The following RUBCN variants were observed in gnomAD, a reference collection of about 807,000 sequenced individuals.
RUBCN encodes run domain Beclin-1-interacting and cysteine-rich domain-containing protein.
In RUBCN, 74 loss-of-function variants were observed where a neutral mutation model predicts 113.2. That is an observed-to-expected ratio of 0.65 (90% CI 0.54 to 0.79). The LOEUF (loss-of-function observed/expected upper bound fraction) is 0.79. Among genes scored for constraint, RUBCN ranks in the 30% least tolerant of loss-of-function variants. RUBCN has a pLI of 0.00. For synonymous variants in RUBCN, 480 were observed against 490.0 expected (o/e 0.98, Z 0.27); for missense variants, 1,109 against 1,251.7 (o/e 0.89, Z 1.72).
chr3:197,699,020 GA>G (rs1463896466), intron 7 of RUBCN, among the ~76,000 whole-genome samples: 2 of 151,966 alleles, frequency 1.3e-5, no homozygotes, highest in African/African-American at 4.8e-5. Context: ...ATTGTGTATA[GA>G]AAACACATCA....
Position 197,736,794 on chromosome 3 carries a change from C to T in RUBCN, c.-75G>A. ...TCGCCCTTCAGGGCTCCCGGGGCCC[C>T]CTGGGGCCGGAGGAGGCACCTGCGG... On this transcript the variant is annotated 5_prime_UTR_variant, in exon 1 of 20. Coordinates refer to ENST00000296343, the MANE Select transcript of RUBCN (RefSeq NM_014687.4). The T allele has an allele frequency of 6.7e-7, 1 of 1,484,902 alleles. No homozygotes were observed. Among genetic ancestry groups the T allele is most frequent in the East Asian group, 2.7e-5 (1 of 37,518 alleles). The allele number at this position is 1,484,902 out of a possible 1,614,324, so 92.0% of individuals were successfully genotyped here.
chr3:197,734,577 TA>T (rs1727908490), intron 1 of RUBCN, among the ~76,000 whole-genome samples: 2 of 152,288 alleles, frequency 1.3e-5, no homozygotes, highest in South Asian at 4.1e-4. Flanking sequence ...ACAATAGTTA[TA>T]GGGATTAAAG....
At chr3:197,684,282 T>C in intron 11 of RUBCN, 65 bp from the exon 12 acceptor site, 1 of 1,212,860 alleles carries the variant, frequency 8.2e-7, no homozygotes, top group African/African-American at 1.5e-5. Context: ...ACCTGGAATC[T>C]ATTACAAGGT....
In RUBCN at chr3:197,681,399, G is replaced by A. The variant is rs62283402; in HGVS notation, c.2192-32C>T. ...AAACCGGAAAGCCAGAAAGCCAGAT[G>A]TAACTTTCCCATCTACAAGCTGGGA... On this transcript the variant is annotated intron_variant, in intron 15 of 19. Coordinates refer to ENST00000296343, the MANE Select transcript of RUBCN (RefSeq NM_014687.4). The surrounding 1 kb of genome is among the most constrained non-coding windows in gnomAD (Gnocchi z 5.5). 10 of 1,540,490 alleles carry A rather than the reference G, an allele frequency of 6.5e-6. No individual in the cohort carries two copies. The highest frequency in any genetic ancestry group is 2.2e-5 in the East Asian group (1 of 44,504).
At chr3:197,741,496 C>T (rs2109022541), upstream of RUBCN, among the ~76,000 whole-genome samples, 1 of 152,306 alleles carries the variant, frequency 6.6e-6, no homozygotes, top group South Asian at 2.1e-4. Context: ...AGCAACATTT[C>T]CATCCCCTCT....
At chr3:197,709,886 A>G (rs780471414) in intron 2 of RUBCN, among the ~76,000 whole-genome samples, 182 of 152,132 alleles carry the variant, frequency 1.2e-3, no homozygotes, top group Non-Finnish European at 1.9e-3. Flanking sequence ...ACTGCAGAGT[A>G]GGCTGGGTGT....
rs541662244 is a variant in RUBCN, at chr3:197,703,865, G to A, written c.464-211C>T. Among the ~76,000 whole-genome samples, 4 of 152,248 alleles carry A rather than the reference G, an allele frequency of 2.6e-5. No individual in the cohort carries two copies. The South Asian group carries it at 8.3e-4, about 32-fold the overall frequency. On this transcript the variant is annotated intron_variant, in intron 4 of 19. Transcript: ENST00000296343. ...TCAGAAAAATCCAGATTTGAATCCT[G>A]GCTCTGAGTGACTTTGGCCAAGTCG...
intron 7 of RUBCN, 99 bp downstream of exon 7, chr3:197,700,513 GA>G (rs1723522421): frequency 8.7e-7 from 1 of 1,145,898 alleles, no homozygotes; most frequent in South Asian, 1.3e-5. Flanking sequence ...ACCAGAAACA[GA>G]ACATCTCTTT....
intron 11 of RUBCN, among the ~76,000 whole-genome samples, chr3:197,684,745 C>CAG (rs1560412684): frequency 6.6e-6 from 1 of 151,234 alleles, no homozygotes; most frequent in African/African-American, 2.4e-5. Flanking sequence ...TATACACACA[C>CAG]GTATATATAT....
upstream of RUBCN, among the ~76,000 whole-genome samples, chr3:197,740,890 G>A (rs1728500516): frequency 1.3e-5 from 2 of 152,022 alleles, no homozygotes; most frequent in African/African-American, 4.8e-5. Context: ...CAAAGTGCTG[G>A]GATTACACGT....
chr3:197,690,172 G>A (rs1273739607), intron 11 of RUBCN, among the ~76,000 whole-genome samples: 3 of 152,204 alleles, frequency 2.0e-5, no homozygotes, highest in African/African-American at 7.2e-5. Flanking sequence ...TGGCGTGGTG[G>A]CTCACTCCTG....
intron 1 of RUBCN, among the ~76,000 whole-genome samples, chr3:197,744,809 A>T (rs1330947192): frequency 6.6e-6 from 1 of 152,202 alleles, no homozygotes; most frequent in East Asian, 1.9e-4. Context: ...GTAGTTGCCT[A>T]GATAGTAGGT....
chr3:197,736,640 C>A lies in RUBCN; in HGVS notation c.65+15G>T. On this transcript the variant is annotated intron_variant, in intron 1 of 19. Transcript: ENST00000296343. The stretch of plus-strand genomic sequence containing the variant: ...GCCTGTCGCTGCCCCGACTCCGCGG[C>A]GGCTCCCAGCCCACCTGCTCTCCTC... 1 of 1,532,290 alleles carries A rather than the reference C, an allele frequency of 6.5e-7. No individual in the cohort carries two copies. Among genetic ancestry groups the A allele is most frequent in the Non-Finnish European group, 8.7e-7 (1 of 1,145,974 alleles). 94.9% of individuals were successfully genotyped at this position (1,532,290 alleles called of 1,614,324 possible).
chr3:197,725,520 C>CT lies in RUBCN; in HGVS notation c.66-7391dup, dbSNP rs10718685. 3.2e-3 allele frequency among the ~76,000 whole-genome samples: 242 copies of CT among 75,312 alleles called. 3 individuals are homozygous for CT. Among genetic ancestry groups the CT allele is most frequent in the Admixed American group, 4.8e-3 (23 of 4,838 alleles). The allele number at this position is 75,312 out of a possible 152,430, so 49.4% of individuals were successfully genotyped here. A position where few individuals can be genotyped will look rare whatever the true frequency, so the allele number is the denominator to read the frequency against. On this transcript the variant is annotated intron_variant, in intron 1 of 19. Transcript: ENST00000296343. ...TACATTTCATGGCTGACAGGAGAAT[C>CT]TTTTTTTTTTTTTTTTTTTTTTTGT...
chr3:197,740,770 A>C (rs1482068197), upstream of RUBCN, among the ~76,000 whole-genome samples: 1 of 151,730 alleles, frequency 6.6e-6, no homozygotes, highest in Non-Finnish European at 1.5e-5. Flanking sequence ...ACAGGTGCCC[A>C]ACACCACGCC....
At chr3:197,709,216 A>G (rs182887568) in intron 2 of RUBCN, among the ~76,000 whole-genome samples, 1 of 152,342 alleles carries the variant, frequency 6.6e-6, no homozygotes, top group Admixed American at 6.5e-5. Context: ...ATGTTGCATA[A>G]GCAGTTTTTT....
intron 8 of RUBCN, 47 bp from the exon 9 acceptor site, chr3:197,696,028 G>T: frequency 6.4e-7 from 1 of 1,574,412 alleles, no homozygotes; most frequent in Non-Finnish European, 8.7e-7. Flanking sequence ...TCTTCAGGAA[G>T]TCTTAAGCTT....
chr3:197,724,523 C>G (rs903664453), intron 1 of RUBCN, among the ~76,000 whole-genome samples: 2 of 152,166 alleles, frequency 1.3e-5, no homozygotes, highest in African/African-American at 2.4e-5. Flanking sequence ...GTAAAGGAAA[C>G]AGCTTCAGCT....
rs776947944 is a variant in RUBCN at position 197,720,378 on chromosome 3, C to A, written c.66-2248G>T. ...AAGTGTATTCCATAGTGTATACACA[C>A]CCCATTATCTTTAGCCATTAATCTG... On this transcript the variant is annotated intron_variant, in intron 1 of 19. Transcript: ENST00000296343. 2.0e-5 allele frequency among the ~76,000 whole-genome samples: 3 copies of A among 152,040 alleles called. No homozygotes were observed. In the East Asian group the frequency reaches 5.8e-4, roughly 29 times the overall value.
Sources: gnomAD v4.1 joint callset for allele counts (sites outside exome capture counted in the v4.1 genomes callset) on GRCh38, gnomAD v4.1.1 for gene constraint, Gnocchi (gnomAD v3.1) non-coding constraint, MANE v1.5 for transcripts, NCBI Gene and HGNC (gene_info 2026-07-23, HGNC 2026-07-21) for gene names.